IGF1R: variants seen among roughly 807,000 people sequenced by gnomAD.
IGF1R encodes insulin like growth factor 1 receptor.
A neutral mutation model predicts 144.6 loss-of-function variants in IGF1R; 44 were observed. The ratio of observed to expected loss-of-function variants is 0.30; its 90% CI spans 0.24 to 0.39. The LOEUF is 0.39. Ranked by LOEUF, IGF1R falls within the 10% of genes least tolerant of loss-of-function variation. The pLI, the probability that IGF1R is intolerant of heterozygous loss-of-function variation, is 1.00. For missense variants in IGF1R, 1,355 were observed against 1,833.7 expected, an observed-to-expected ratio of 0.74 and a Z score of 4.77; for synonymous variants, 795 against 722.8, an observed-to-expected ratio of 1.10 and a Z score of -1.60.
chr15:98,692,720 A>G (rs926410802), intron 1 of IGF1R, among the ~76,000 whole-genome samples: 1 of 152,198 alleles, frequency 6.6e-6, no homozygotes, highest in African/African-American at 2.4e-5. Context: ...TTCCCGCAAC[A>G]ACTACCTGAG....
intron 1 of IGF1R, among the ~76,000 whole-genome samples, chr15:98,662,651 G>A (rs1043973924): frequency 3.3e-5 from 5 of 152,156 alleles, no homozygotes; most frequent in Admixed American, 2.0e-4. Flanking sequence ...TGAGTTTAGT[G>A]CTAAGTTATG....
chr15:98,705,807 G>A (rs2053848434), intron 1 of IGF1R, among the ~76,000 whole-genome samples: 1 of 152,192 alleles, frequency 6.6e-6, no homozygotes, highest in Non-Finnish European at 1.5e-5. Context: ...TCCCGCTCAG[G>A]AGCCTTGTGG....
intron 2 of IGF1R, chr15:98,824,288 T>C (rs540207234): frequency 6.6e-6 from 1 of 152,340 alleles, no homozygotes; most frequent in Admixed American, 6.5e-5. Flanking sequence ...TCAGGAACTT[T>C]CCTCCCTATC....
Position 98,899,579 on chromosome 15 carries a change from TA to T in IGF1R, c.1211del (p.Asn404ThrfsTer6). The T allele has an allele frequency of 6.2e-7, 1 of 1,614,098 alleles. No homozygotes were observed. The highest frequency in any genetic ancestry group is 8.5e-7 in the Non-Finnish European group (1 of 1,180,006). On this transcript the variant is annotated frameshift_variant, in exon 5 of 21. Coordinates refer to ENST00000650285, the MANE Select transcript of IGF1R (RefSeq NM_000875.5). LOFTEE classifies it high-confidence loss of function. The stretch of plus-strand genomic sequence containing the variant: ...CATGCCTTGGTCTCCTTGTCCTTCC[TA>T]AAAAACCTTCGCCTCATCCTAGGAG... ...HSHALVSLSF[L>X]KNLRLILGEE... is the part of the protein sequence containing the mutation.
intron 2 of IGF1R, among the ~76,000 whole-genome samples, chr15:98,888,434 A>AGTGTGT (rs1485692023): frequency 4.9e-5 from 1 of 20,496 alleles, no homozygotes; most frequent in East Asian, 1.5e-3. Context: ...TGAGAGAGAG[A>AGTGTGT]GAGAGTGTGT....
chr15:98,672,808 C>T (rs374901442), intron 1 of IGF1R, among the ~76,000 whole-genome samples: 21 of 151,922 alleles, frequency 1.4e-4, no homozygotes, highest in African/African-American at 4.4e-4. Context: ...GATTTTTCCC[C>T]CCTAAATACG....
intron 1 of IGF1R, among the ~76,000 whole-genome samples, chr15:98,693,546 C>CT (rs1460601613): frequency 6.6e-6 from 1 of 152,150 alleles, no homozygotes; most frequent in Non-Finnish European, 1.5e-5. Flanking sequence ...AGCGGCTTGC[C>CT]TGCCTTTTGG....
intron 19 of IGF1R, among the ~76,000 whole-genome samples, chr15:98,943,483 T>A (rs1348607780): frequency 6.6e-6 from 1 of 152,154 alleles, no homozygotes; most frequent in Non-Finnish European, 1.5e-5. Context: ...AGCTTATGAG[T>A]CCTGATTGTG....
In IGF1R at chr15:98,962,888, C is replaced by T. The variant is rs2017279794; in HGVS notation, c.*5446C>T. On this transcript the variant is annotated 3_prime_UTR_variant, in exon 21 of 21. Coordinates refer to ENST00000650285, the MANE Select transcript of IGF1R (RefSeq NM_000875.5). The stretch of plus-strand genomic sequence containing the variant: ...AAACTACATCGCACTCGTCAGTTGT[C>T]AGTTCTGGGGCATGACTTTAGCGTT... 8.6e-6 allele frequency: 2 copies of T among 233,738 alleles called. No individual in the cohort carries two copies. Among genetic ancestry groups the T allele is most frequent in the East Asian group, 6.0e-5 (1 of 16,592 alleles). 14.5% of individuals were successfully genotyped at this position (233,738 alleles called of 1,614,324 possible).
intron 2 of IGF1R, among the ~76,000 whole-genome samples, chr15:98,850,960 A>T (rs556369530): frequency 4.9e-4 from 74 of 152,276 alleles, no homozygotes; most frequent in African/African-American, 1.7e-3. Flanking sequence ...GGGTCTACTG[A>T]GGTGGAGAAA....
chr15:98,683,632 A>G (rs1460920515), intron 1 of IGF1R, among the ~76,000 whole-genome samples: 1 of 152,234 alleles, frequency 6.6e-6, no homozygotes, highest in African/African-American at 2.4e-5. Context: ...ATGAATTGCA[A>G]TCAAGTCGGT....
intron 2 of IGF1R, among the ~76,000 whole-genome samples, chr15:98,727,975 G>A (rs915116925): frequency 2.0e-5 from 3 of 149,944 alleles, no homozygotes; most frequent in Non-Finnish European, 4.4e-5. Flanking sequence ...AAAGGAACAC[G>A]AGGTAGCCAC....
At chr15:98,761,042 G>A (rs1041532887) in intron 2 of IGF1R, among the ~76,000 whole-genome samples, 1 of 152,236 alleles carries the variant, frequency 6.6e-6, no homozygotes, top group African/African-American at 2.4e-5. Context: ...TGTCCTCTTG[G>A]TAGAGTCGGG....
At chr15:98,941,689 T>G (rs1410511677) in intron 18 of IGF1R, among the ~76,000 whole-genome samples, 4 of 152,222 alleles carry the variant, frequency 2.6e-5, no homozygotes, top group Non-Finnish European at 5.9e-5. Context: ...ATATGACAAG[T>G]AATTTTACCA....
At chr15:98,826,239 C>A (rs2056892994) in intron 2 of IGF1R, among the ~76,000 whole-genome samples, 2 of 152,204 alleles carry the variant, frequency 1.3e-5, no homozygotes, top group Admixed American at 6.5e-5. Flanking sequence ...CTGAAATAAT[C>A]TAAATATTTA....
In IGF1R at chr15:98,964,405, C is replaced by T. The variant is rs1368611188; in HGVS notation, c.*6963C>T. ...ATTGCGATATACTCTGGATTCTTTACATAATGGAAAAAAGAAACTGTCTAT... is the reference window on the plus strand; with the variant it reads ...ATTGCGATATACTCTGGATTCTTTATATAATGGAAAAAAGAAACTGTCTAT... On this transcript the variant is annotated 3_prime_UTR_variant, in exon 21 of 21. Transcript: ENST00000650285. 3 of 229,600 alleles carry T rather than the reference C, an allele frequency of 1.3e-5. No individual in the cohort carries two copies. The highest frequency in any genetic ancestry group is 2.6e-5 in the Non-Finnish European group (3 of 115,718). 14.2% of individuals were successfully genotyped at this position (229,600 alleles called of 1,614,324 possible).
chr15:98,831,063 C>G (rs1438908715), intron 2 of IGF1R, among the ~76,000 whole-genome samples: 4 of 152,122 alleles, frequency 2.6e-5, no homozygotes, highest in Non-Finnish European at 1.5e-5. Context: ...GGGGAGGGCA[C>G]CAAGCCCTTC....
chr15:98,739,965 G>C (rs543230452), intron 2 of IGF1R, among the ~76,000 whole-genome samples: 1 of 152,182 alleles, frequency 6.6e-6, no homozygotes, highest in South Asian at 2.1e-4. Context: ...ACCCAGTGTA[G>C]GTCTTAGTCT....
intron 2 of IGF1R, among the ~76,000 whole-genome samples, chr15:98,795,853 C>T (rs568226754): frequency 2.0e-5 from 3 of 152,334 alleles, no homozygotes; most frequent in Admixed American, 6.5e-5. Flanking sequence ...GTGGTCCCTT[C>T]GTGTCACCTG....
Sources: gnomAD v4.1 joint callset for allele counts (sites outside exome capture counted in the v4.1 genomes callset) on GRCh38, gnomAD v4.1.1 for gene constraint, MANE v1.5 for transcripts, NCBI Gene and HGNC (gene_info 2026-07-23, HGNC 2026-07-21) for gene names.